ST18: variants seen among roughly 807,000 people sequenced by gnomAD.
ST18 encodes ST18 C2H2C-type zinc finger transcription factor.
A neutral mutation model predicts 110.0 loss-of-function variants in ST18; 50 were observed. The ratio of observed to expected loss-of-function variants is 0.45; its 90% CI spans 0.36 to 0.58. The LOEUF (loss-of-function observed/expected upper bound fraction) is 0.58, where lower values mean the gene tolerates loss of function less well. Among genes scored for constraint, ST18 ranks in the 20% least tolerant of loss-of-function variants. The probability of loss-of-function intolerance (pLI) is 0.00; values close to 1 mark genes in which losing one functional copy is unlikely to be tolerated. For synonymous variants in ST18, 461 were observed against 452.4 expected, an observed-to-expected ratio of 1.02 and a Z score of -0.24; for missense variants, 1,306 against 1,280.1, an observed-to-expected ratio of 1.02 and a Z score of -0.31.
intron 3 of ST18, among the ~76,000 whole-genome samples, chr8:52,226,568 C>T (rs772382596): frequency 6.6e-6 from 1 of 152,162 alleles, no homozygotes; most frequent in Non-Finnish European, 1.5e-5. Flanking sequence ...CTGCCTGGGT[C>T]TGTTTGCTTA....
At chr8:52,366,595 C>T (rs1828036081) in intron 2 of ST18, among the ~76,000 whole-genome samples, 1 of 152,156 alleles carries the variant, frequency 6.6e-6, no homozygotes, top group Non-Finnish European at 1.5e-5. Context: ...GTTCACAGGA[C>T]GGGACCCATC....
At chr8:52,294,474 T>A (rs1215842189) in intron 2 of ST18, 1 of 152,184 alleles carries the variant, frequency 6.6e-6, no homozygotes, top group African/African-American at 2.4e-5. Flanking sequence ...GAACTTCCTG[T>A]TCTAGGACAC....
At chr8:52,161,694 A>T (rs1362506134) in intron 13 of ST18, 126 bp from the exon 14 acceptor site, 1 of 1,096,380 alleles carries the variant, frequency 9.1e-7, no homozygotes, top group Non-Finnish European at 1.3e-6. Context: ...CTGAACAATA[A>T]GAGAGACGGG....
intron 21 of ST18, 58 bp downstream of exon 21, chr8:52,132,999 C>G (rs887421796): frequency 6.3e-7 from 1 of 1,584,814 alleles, no homozygotes; most frequent in Non-Finnish European, 8.7e-7. Context: ...CAACCAAGTT[C>G]CCTCCCATTT....
chr8:52,344,008 A>G (rs1427734983), intron 2 of ST18, among the ~76,000 whole-genome samples: 1 of 152,228 alleles, frequency 6.6e-6, no homozygotes, highest in Non-Finnish European at 1.5e-5. Context: ...TGTTTAACCA[A>G]TAAAATAATT....
chr8:52,364,193 T>G (rs1486608814), intron 2 of ST18, among the ~76,000 whole-genome samples: 2 of 152,224 alleles, frequency 1.3e-5, no homozygotes, highest in Non-Finnish European at 2.9e-5. Flanking sequence ...GACTCATCAT[T>G]GCATGGGTTT....
chr8:52,212,261 G>A, intron 7 of ST18, 152 bp from the exon 8 acceptor site: 2 of 699,650 alleles, frequency 2.9e-6, no homozygotes, highest in Non-Finnish European at 4.7e-6. Flanking sequence ...TTGGAGATGA[G>A]AGGACAGATG....
chr8:52,276,346 T>C (rs1332823411), intron 2 of ST18, among the ~76,000 whole-genome samples: 1 of 138,010 alleles, frequency 7.2e-6, no homozygotes, highest in Non-Finnish European at 1.6e-5. Flanking sequence ...ATACACATCA[T>C]ACATGCACAC....
At chr8:52,405,441 G>A (rs1466763430) in intron 2 of ST18, 1 of 152,178 alleles carries the variant, frequency 6.6e-6, no homozygotes, top group Non-Finnish European at 1.5e-5. Flanking sequence ...CATGCCACCT[G>A]TTTCATTGAT....
chr8:52,292,834 A>G (rs1290103496), intron 2 of ST18, among the ~76,000 whole-genome samples: 1 of 152,220 alleles, frequency 6.6e-6, no homozygotes. Context: ...AGTGTTTAGA[A>G]ATTGGCCTGT....
At chr8:52,115,636 T>C (rs922532676) in intron 25 of ST18, among the ~76,000 whole-genome samples, 1 of 152,124 alleles carries the variant, frequency 6.6e-6, no homozygotes, top group African/African-American at 2.4e-5. Context: ...GTCATCTGGG[T>C]TTGCGAAAGT....
At chr8:52,236,959 G>A (rs1185573442) in intron 2 of ST18, among the ~76,000 whole-genome samples, 1 of 152,166 alleles carries the variant, frequency 6.6e-6, no homozygotes, top group East Asian at 1.9e-4. Context: ...GACACACTCT[G>A]TCTCTCAAGT....
At chr8:52,244,572 A>C (rs1220781616) in intron 2 of ST18, among the ~76,000 whole-genome samples, 1 of 152,202 alleles carries the variant, frequency 6.6e-6, no homozygotes, top group Non-Finnish European at 1.5e-5. Context: ...AAAACAGAAA[A>C]TAACTTCCTC....
chr8:52,180,104 G>T lies in ST18; in HGVS notation c.277+18C>A. 4 of 1,612,108 alleles carry T rather than the reference G, an allele frequency of 2.5e-6. No individual in the cohort carries two copies. The highest frequency in any genetic ancestry group is 2.5e-6 in the Non-Finnish European group (3 of 1,178,734). ...GGAGCCAGGGAGCAGGTAAAGTTTGGGCTCTCCTCCTTGCTACCTGCGGTA... is the reference window on the plus strand; with the variant it reads ...GGAGCCAGGGAGCAGGTAAAGTTTGTGCTCTCCTCCTTGCTACCTGCGGTA... On this transcript the variant is annotated intron_variant, in intron 9 of 25. Transcript: ENST00000689386.
chr8:52,174,699 T>C (rs1032206146), intron 9 of ST18, among the ~76,000 whole-genome samples: 2 of 152,196 alleles, frequency 1.3e-5, no homozygotes, highest in African/African-American at 2.4e-5. Flanking sequence ...GGTTCAACTG[T>C]TTGTTATATG....
intron 2 of ST18, among the ~76,000 whole-genome samples, chr8:52,246,871 C>T (rs888112668): frequency 6.6e-5 from 10 of 152,196 alleles, no homozygotes; most frequent in Admixed American, 3.3e-4. Flanking sequence ...TCCCATCACT[C>T]TTGCCCCCAT....
At chr8:52,241,943 A>G (rs906954810) in intron 2 of ST18, among the ~76,000 whole-genome samples, 1 of 152,076 alleles carries the variant, frequency 6.6e-6, no homozygotes, top group Non-Finnish European at 1.5e-5. Context: ...TTTCTTTTAC[A>G]TAGACAAACA....
At chr8:52,208,998 C>T (rs553183570) in intron 8 of ST18, among the ~76,000 whole-genome samples, 2 of 152,172 alleles carry the variant, frequency 1.3e-5, no homozygotes, top group Non-Finnish European at 2.9e-5. Context: ...TATAAATTTT[C>T]CCAGCAAGTA....
rs767619043 is a variant in ST18 at position 52,133,267 on chromosome 8, C to T, written c.2335G>A (p.Val779Met). The stretch of plus-strand genomic sequence containing the variant: ...CTGTGGGAAGCATAGTTTCCAGTCA[C>T]GTGCCCCGAGCCATCGCAGCCTGGG... ...PTPGCDGSGHVTGNYASHRSL... is the reference protein window; with the variant it reads ...PTPGCDGSGHMTGNYASHRSL... The change falls in exon 20 of 26, where the codon GTG becomes ATG. Residue 779 changes from valine to methionine, a missense_variant. Coordinates refer to ENST00000689386, the MANE Select transcript of ST18 (RefSeq NM_001352837.2). The T allele has an allele frequency of 1.4e-5, 22 of 1,614,026 alleles. No homozygotes were observed. Among genetic ancestry groups the T allele is most frequent in the South Asian group, 2.2e-5 (2 of 91,080 alleles).
Sources: allele counts gnomAD v4.1 joint callset (sites outside exome capture counted in the v4.1 genomes callset), GRCh38; gene constraint gnomAD v4.1.1; transcripts MANE v1.5; gene names NCBI Gene and HGNC (gene_info 2026-07-23, HGNC 2026-07-21).